ASTN2: variants seen among roughly 807,000 people sequenced by gnomAD.
ASTN2 encodes the protein astrotactin 2.
ASTN2 carries 54 observed loss-of-function variants against 139.8 expected under a neutral mutation model. The observed-to-expected ratio is 0.39, with a 90% CI of 0.31 to 0.48. The LOEUF is 0.48. Among genes scored for constraint, ASTN2 ranks in the 20% least tolerant of loss-of-function variants. ASTN2 has a pLI of 0.95. For synonymous variants in ASTN2, 756 were observed against 719.5 expected (o/e 1.05, Z -0.81); for missense variants, 1,565 against 1,725.1 (o/e 0.91, Z 1.64).
intron 3 of ASTN2, among the ~76,000 whole-genome samples, chr9:117,198,785 T>A (rs916266811): frequency 6.6e-6 from 1 of 152,154 alleles, no homozygotes; most frequent in Non-Finnish European, 1.5e-5. Context: ...TTTCTCCATA[T>A]CTCATCAGCA....
chr9:116,498,010 C>T (rs1388577347), intron 19 of ASTN2, among the ~76,000 whole-genome samples: 12 of 152,148 alleles, frequency 7.9e-5, no homozygotes, highest in African/African-American at 2.4e-4. Flanking sequence ...GCAAAAACCA[C>T]GAGGTTGCTG....
intron 5 of ASTN2, among the ~76,000 whole-genome samples, chr9:117,089,887 C>T (rs1229864083): frequency 6.6e-6 from 1 of 152,154 alleles, no homozygotes; most frequent in African/African-American, 2.4e-5. Context: ...AGTAGTATTC[C>T]ATCATGTATA....
chr9:117,298,370 G>C (rs1375330405), intron 1 of ASTN2, among the ~76,000 whole-genome samples: 1 of 152,106 alleles, frequency 6.6e-6, no homozygotes, highest in Non-Finnish European at 1.5e-5. Context: ...AGATCACAGG[G>C]TCTGGAGACC....
intron 10 of ASTN2, among the ~76,000 whole-genome samples, chr9:116,889,652 G>A (rs1370012378): frequency 2.6e-5 from 4 of 151,666 alleles, no homozygotes; most frequent in Non-Finnish European, 4.4e-5. Context: ...TTGTGAGGCC[G>A]AGGCAGAAGG....
At position 117,022,737 on chromosome 9, in the gene ASTN2, C is replaced by T. The variant is rs114648006; in HGVS notation, c.1424-14478G>A. Among the ~76,000 whole-genome samples, 1,117 of 152,130 alleles carry T rather than the reference C, an allele frequency of 7.3e-3. 11 individuals are homozygous for T. The highest frequency in any genetic ancestry group is 0.024 in the African/African-American group (1,016 of 41,516). On this transcript the variant is annotated intron_variant, in intron 6 of 22. Coordinates refer to ENST00000313400, the MANE Select transcript of ASTN2 (RefSeq NM_001365068.1). ...ATGGATTCTCCTCAAATAATGAAGA[C>T]GATTGTCAGCTGGGAGTTGGGGACT... is the stretch of plus-strand genomic sequence containing the variant.
At chr9:116,588,271 G>GC (rs1564136404) in intron 19 of ASTN2, among the ~76,000 whole-genome samples, 1 of 152,114 alleles carries the variant, frequency 6.6e-6, no homozygotes, top group East Asian at 1.9e-4. Flanking sequence ...ATCCAAAAAG[G>GC]TCCTTCCAAA....
At chr9:116,670,546 G>A (rs1428565615) in intron 16 of ASTN2, among the ~76,000 whole-genome samples, 1 of 152,206 alleles carries the variant, frequency 6.6e-6, no homozygotes, top group Non-Finnish European at 1.5e-5. Flanking sequence ...AAAATAATAT[G>A]TTGGGTAGAG....
intron 2 of ASTN2, among the ~76,000 whole-genome samples, chr9:117,251,426 T>C (rs1833535730): frequency 6.6e-6 from 1 of 152,122 alleles, no homozygotes; most frequent in East Asian, 1.9e-4. Flanking sequence ...AATATAAATT[T>C]ATCTATTTGT....
At chr9:116,924,190 C>G (rs146926595) in intron 10 of ASTN2, among the ~76,000 whole-genome samples, 1,660 of 151,954 alleles carry the variant, frequency 0.011, 19 homozygotes, top group African/African-American at 0.038. Flanking sequence ...AGGAGGATCA[C>G]CTGGGGTCAG....
chr9:116,506,641 G>A (rs906548393), intron 19 of ASTN2, among the ~76,000 whole-genome samples: 2 of 152,144 alleles, frequency 1.3e-5, no homozygotes, highest in African/African-American at 4.8e-5. Context: ...GAGAGAATGT[G>A]GGAGGAGGGC....
intron 19 of ASTN2, among the ~76,000 whole-genome samples, chr9:116,578,024 T>C (rs1356624392): frequency 1.3e-5 from 2 of 152,270 alleles, no homozygotes; most frequent in East Asian, 3.9e-4. Context: ...ACGGGAACCT[T>C]ACTCTGAAGG....
Position 116,530,126 on chromosome 9 carries a change from T to TCAC in ASTN2, c.3356-42627_3356-42626insGTG, listed in dbSNP as rs1564345741. 3.9e-4 allele frequency among the ~76,000 whole-genome samples: 25 copies of TCAC among 64,238 alleles called. 2 individuals are homozygous for TCAC. The East Asian group carries it at 0.011, about 29-fold the overall frequency. The allele number at this position is 64,238 out of a possible 152,430, so 42.1% of individuals were successfully genotyped here. A position where few individuals can be genotyped will look rare whatever the true frequency, so the allele number is the denominator to read the frequency against. ...ATATATATATATATATATATATATA[T>TCAC]ATATATATATATATATATATATATA... is the stretch of plus-strand genomic sequence containing the variant. On this transcript the variant is annotated intron_variant, in intron 19 of 22. Transcript: ENST00000313400.
In ASTN2 at chr9:116,423,878, A is replaced by G; in HGVS notation, c.*1973T>C. 1.3e-5 allele frequency among the ~76,000 whole-genome samples: 2 copies of G among 152,198 alleles called. 1 individual carries two copies. ...AATCTCATCAACATTTGCCAAATTG[A>G]GAAGTAGGCATGGTTTTTTTCTTTT... On this transcript the variant is annotated 3_prime_UTR_variant, in exon 23 of 23. Transcript: ENST00000313400.
intron 1 of ASTN2, among the ~76,000 whole-genome samples, chr9:117,371,030 C>A (rs1229391451): frequency 1.3e-5 from 2 of 151,974 alleles, no homozygotes; most frequent in African/African-American, 2.4e-5. Flanking sequence ...TTATCAAATA[C>A]CCCCAACAGT....
chr9:116,532,489 T>A (rs1264320161), intron 19 of ASTN2, among the ~76,000 whole-genome samples: 1 of 152,212 alleles, frequency 6.6e-6, no homozygotes, highest in African/African-American at 2.4e-5. Flanking sequence ...GTTTTTATGG[T>A]TTTAGGTCTA....
At chr9:117,228,034 G>C (rs10121909) in intron 2 of ASTN2, among the ~76,000 whole-genome samples, 80,119 of 151,972 alleles carry the variant, frequency 0.53, 21,494 homozygotes, top group East Asian at 0.68. Context: ...TTCTGACTGG[G>C]TGATTAGATG....
At chr9:116,917,698 G>T (rs1269228432) in intron 10 of ASTN2, among the ~76,000 whole-genome samples, 1 of 152,202 alleles carries the variant, frequency 6.6e-6, no homozygotes, top group South Asian at 2.1e-4. Flanking sequence ...GAAAAAGTTG[G>T]AATGGAAAGG....
chr9:116,542,393 T>C (rs570381365), intron 19 of ASTN2, among the ~76,000 whole-genome samples: 12 of 152,320 alleles, frequency 7.9e-5, no homozygotes, highest in African/African-American at 2.9e-4. Context: ...ATTCTGCCAC[T>C]TCAATTGAGC....
intron 7 of ASTN2, among the ~76,000 whole-genome samples, chr9:116,999,631 C>A (rs1837135674): frequency 1.5e-5 from 2 of 134,882 alleles, no homozygotes; most frequent in Admixed American, 7.8e-5. Flanking sequence ...GAAATCTCAG[C>A]TCACTGCAAC....
Sources: gnomAD v4.1 joint callset for allele counts (sites outside exome capture counted in the v4.1 genomes callset) on GRCh38, gnomAD v4.1.1 for gene constraint, MANE v1.5 for transcripts, NCBI Gene and HGNC (gene_info 2026-07-23, HGNC 2026-07-21) for gene names.